The following MRTFA variants were observed in gnomAD, a reference collection of about 807,000 sequenced individuals.
The protein encoded by MRTFA is myocardin related transcription factor A, also known as myocardin-related transcription factor A.
Under a neutral mutation model 83.5 loss-of-function variants are expected in MRTFA, and 20 were observed. The observed-to-expected ratio is 0.24, with a 90% CI of 0.17 to 0.35. The LOEUF (loss-of-function observed/expected upper bound fraction) is 0.35. Among genes scored for constraint, MRTFA ranks in the 10% least tolerant of loss-of-function variants. The pLI is 1.00. For missense variants in MRTFA, 1,200 were observed against 1,224.7 expected, an observed-to-expected ratio of 0.98 and a Z score of 0.30; for synonymous variants, 659 against 541.2, an observed-to-expected ratio of 1.22 and a Z score of -3.02.
intron 3 of MRTFA, among the ~76,000 whole-genome samples, chr22:40,515,744 T>A (rs375240335): frequency 6.6e-6 from 1 of 152,132 alleles, no homozygotes; most frequent in African/African-American, 2.4e-5. Context: ...ATCAGGAAAC[T>A]CGCCTACCAG....
At chr22:40,605,760 T>C (rs1157761559) in intron 1 of MRTFA, among the ~76,000 whole-genome samples, 2 of 152,174 alleles carry the variant, frequency 1.3e-5, no homozygotes, top group Non-Finnish European at 2.9e-5. Flanking sequence ...TTGCCTTACT[T>C]AGTCCAGGCT....
chr22:40,510,078 A>T (rs771934424), intron 3 of MRTFA, among the ~76,000 whole-genome samples: 1 of 151,980 alleles, frequency 6.6e-6, no homozygotes, highest in African/African-American at 2.4e-5. Flanking sequence ...TGAGAGAAAA[A>T]GAATTGCAGA....
chr22:40,582,812 AATTAAAGTTGCCCAGAACTCAGTTC>A (rs1406015114), intron 2 of MRTFA, among the ~76,000 whole-genome samples: 2 of 152,186 alleles, frequency 1.3e-5, no homozygotes, highest in Non-Finnish European at 2.9e-5. Flanking sequence ...TTAAGGTTAC[AATTAAAGTTGCCCAGAACTCAGTTC>A]ATTATGTTAT....
In MRTFA at chr22:40,416,236, A is replaced by T. The variant is rs568855605; in HGVS notation, c.2578+750T>A. ...CCCTCTCCCCCCACTTCATCCATAA[A>T]GACACCAACCTGGCTCTCTCCAAAT... On this transcript the variant is annotated intron_variant, in intron 14 of 14. Transcript: ENST00000355630. The surrounding 1 kb of genome is among the most constrained non-coding windows in gnomAD (Gnocchi z 4.2). 6.6e-6 allele frequency among the ~76,000 whole-genome samples: 1 copy of T among 152,162 alleles called. No individual in the cohort carries two copies. The highest frequency in any genetic ancestry group is 1.9e-4 in the East Asian group (1 of 5,172).
intron 11 of MRTFA, among the ~76,000 whole-genome samples, 196 bp from the exon 12 acceptor site, chr22:40,419,580 AG>A (rs1426768129): frequency 6.6e-6 from 1 of 152,168 alleles, no homozygotes; most frequent in African/African-American, 2.4e-5. Context: ...TCACTCTAGC[AG>A]GGGTCTGGTT....
At position 40,418,513 on chromosome 22, in the gene MRTFA, A is replaced by C. The variant is rs557616700; in HGVS notation, c.2225T>G (p.Leu742Arg). The change falls in exon 12 of 15, where the codon CTG (leucine) becomes CGG (arginine). Residue 742 changes from leucine (L) to arginine (R), a missense_variant. Physicochemically the swap from Leu to Arg is moderately radical, Grantham distance 102. Transcript: ENST00000355630. ...GATGAGGCTGGGGCCCTGAGGCCCCAGAAGCAACTGGGGGGCGGGGACCGG... is the reference window on the plus strand; with the variant it reads ...GATGAGGCTGGGGCCCTGAGGCCCCCGAAGCAACTGGGGGGCGGGGACCGG... The C allele has an allele frequency of 4.1e-5, 65 of 1,595,966 alleles. 2 individuals carry two copies. In the East Asian group the frequency reaches 1.5e-3, roughly 36 times the overall value.
chr22:40,419,786 T>C (rs538446312), intron 11 of MRTFA, among the ~76,000 whole-genome samples: 1 of 152,304 alleles, frequency 6.6e-6, no homozygotes, highest in African/African-American at 2.4e-5. Flanking sequence ...AGGGAGAGCT[T>C]GGTCCAATCC....
chr22:40,578,098 C>G (rs1028195277), intron 2 of MRTFA, among the ~76,000 whole-genome samples: 1 of 152,048 alleles, frequency 6.6e-6, no homozygotes, highest in African/African-American at 2.4e-5. Context: ...AGATTACAGA[C>G]ACGTGCCACC....
intron 3 of MRTFA, among the ~76,000 whole-genome samples, chr22:40,549,492 T>C (rs985132007): frequency 6.6e-6 from 1 of 152,188 alleles, no homozygotes; most frequent in African/African-American, 2.4e-5. Context: ...ACTCCATTTT[T>C]ATAAGGTTTA....
At chr22:40,569,601 G>A in intron 2 of MRTFA, among the ~76,000 whole-genome samples, 1 of 152,136 alleles carries the variant, frequency 6.6e-6, no homozygotes, top group East Asian at 1.9e-4. Context: ...GCAGCTGCCT[G>A]TAATCTCAGC....
Position 40,411,169 on chromosome 22 carries a change from G to T in MRTFA, c.*221C>A. The T allele has an allele frequency of 2.3e-6, 1 of 440,806 alleles. No individual in the cohort carries two copies. The highest frequency in any genetic ancestry group is 3.9e-6 in the Non-Finnish European group (1 of 254,906). 27.3% of individuals were successfully genotyped at this position (440,806 alleles called of 1,614,324 possible). ...GACCGTGTGTCCAAAACCCCAGCGT[G>T]AGAGCCAGGGCTGCTTCTTGACAGC... On this transcript the variant is annotated 3_prime_UTR_variant, in exon 15 of 15. Transcript: ENST00000355630.
chr22:40,429,806 A>G lies in MRTFA; in HGVS notation c.440-39T>C, dbSNP rs2053030968. 3 of 1,565,772 alleles carry G rather than the reference A, an allele frequency of 1.9e-6. No homozygotes were observed. In the East Asian group the frequency reaches 6.7e-5, roughly 35 times the overall value. The stretch of plus-strand genomic sequence containing the variant: ...AGAAAGGGGTGCAGGAAGATATATG[A>G]GTGGACGTGGTTCTGCCCCGGGAAC... On this transcript the variant is annotated intron_variant, in intron 6 of 14. Coordinates refer to ENST00000355630, the MANE Select transcript of MRTFA (RefSeq NM_020831.6).
chr22:40,462,544 C>T (rs1027256017), intron 4 of MRTFA, among the ~76,000 whole-genome samples: 3 of 152,122 alleles, frequency 2.0e-5, no homozygotes, highest in South Asian at 2.1e-4. Flanking sequence ...AAGAAAGGTC[C>T]GAAAGATCAA....
rs746348054 is a variant in MRTFA, at chr22:40,592,481, AT to A, written c.-22+2192del. 7.3e-3 allele frequency among the ~76,000 whole-genome samples: 1,006 copies of A among 138,274 alleles called. 11 individuals are homozygous for A. Among genetic ancestry groups the A allele is most frequent in the African/African-American group, 0.025 (949 of 37,400 alleles). The allele number at this position is 138,274 out of a possible 152,430, so 90.7% of individuals were successfully genotyped here. A position where few individuals can be genotyped will look rare whatever the true frequency, so the allele number is the denominator to read the frequency against. ...TAAAAAAAAAAAAAAATCTGTGGACATTTTTTTTTTCTTTTTTTTTTTTTGG... is the reference window on the plus strand; with the variant it reads ...TAAAAAAAAAAAAAAATCTGTGGACATTTTTTTTTCTTTTTTTTTTTTTGG... On this transcript the variant is annotated intron_variant, in intron 2 of 14. Transcript: ENST00000355630.
At chr22:40,446,294 CA>C (rs1341633384) in intron 4 of MRTFA, among the ~76,000 whole-genome samples, 20 of 152,250 alleles carry the variant, frequency 1.3e-4, no homozygotes, top group Non-Finnish European at 2.2e-4. Flanking sequence ...AATAAAATTG[CA>C]AAATAGCAAG....
chr22:40,449,274 G>GA (rs35140973), intron 4 of MRTFA, among the ~76,000 whole-genome samples: 32,000 of 87,786 alleles, frequency 0.36, 4,201 homozygotes, highest in Middle Eastern at 0.44. Flanking sequence ...CTCCAAACGA[G>GA]AAAAAAAAAA....
chr22:40,564,746 G>A (rs1194150850), intron 2 of MRTFA, among the ~76,000 whole-genome samples: 3 of 152,166 alleles, frequency 2.0e-5, no homozygotes, highest in East Asian at 3.9e-4. Context: ...TCCGTCTCCC[G>A]GGTTCAAGCT....
Position 40,420,537 on chromosome 22 carries a change from T to C in MRTFA, c.1221A>G (p.Pro407=). ...TATTGGTAGTGGAGAGGCTGCGTAC[T>C]GGGGGGGTCCCGCTGCTTCCCAGGG... The change falls in exon 11 of 15, where the codon CCA becomes CCG. Residue 407 remains proline, a synonymous_variant. Transcript: ENST00000355630. The C allele has an allele frequency of 1.9e-6, 3 of 1,613,596 alleles. No homozygotes were observed. The highest frequency in any genetic ancestry group is 2.5e-6 in the Non-Finnish European group (3 of 1,180,006).
chr22:40,541,461 G>T (rs929703889), intron 3 of MRTFA, among the ~76,000 whole-genome samples: 1 of 152,090 alleles, frequency 6.6e-6, no homozygotes, highest in African/African-American at 2.4e-5. Flanking sequence ...TAGACACCTC[G>T]TATTGGGCAC....
Sources: gnomAD v4.1 joint callset for allele counts (sites outside exome capture counted in the v4.1 genomes callset) on GRCh38, gnomAD v4.1.1 for gene constraint, Gnocchi (gnomAD v3.1) non-coding constraint, MANE v1.5 for transcripts, NCBI Gene and HGNC (gene_info 2026-07-23, HGNC 2026-07-21) for gene names.